Variants in CALML5 observed in about 807,000 individuals in gnomAD.
CALML5 encodes the protein calmodulin-like protein 5.
For missense variants in CALML5, 207 were observed against 206.6 expected (o/e 1.00, Z -0.01); for synonymous variants, 101 against 96.8 (o/e 1.04, Z -0.25).
In CALML5 at chr10:5,498,825, C is replaced by A; in HGVS notation, c.*173G>T. On this transcript the variant is annotated 3_prime_UTR_variant, in exon 1 of 1. Coordinates refer to ENST00000380332, the MANE Select transcript of CALML5 (RefSeq NM_017422.5). ...AGGTCTGGAGGCAGAGAGGGGCTCG[C>A]AGGCGGCCCGAGGGCGCCGCATCCA... 1.6e-6 allele frequency: 1 copy of A among 619,088 alleles called. No homozygotes were observed. The highest frequency in any genetic ancestry group is 2.8e-6 in the Non-Finnish European group (1 of 359,488). The allele number at this position is 619,088 out of a possible 1,614,324, so 38.3% of individuals were successfully genotyped here.
chr10:5,499,466 C>T lies in CALML5; in HGVS notation c.-28G>A, dbSNP rs1321065789. The T allele has an allele frequency of 6.3e-7, 1 of 1,583,040 alleles. No homozygotes were observed. Among genetic ancestry groups the T allele is most frequent in the Admixed American group, 1.7e-5 (1 of 58,028 alleles). ...CTGCGTCTCCTGCACCTCGCGGAGC[C>T]TCCGAGCTGCTGCCCACCGGCCCTC... On this transcript the variant is annotated 5_prime_UTR_variant, in exon 1 of 1. Transcript: ENST00000380332.
In CALML5 at chr10:5,499,189, G is replaced by C; in HGVS notation, c.250C>G (p.Gln84Glu). ...TGGTCGAAGGCGCGGAAGGCGACCTGCAGGTCCTCCAGGCCGGCCCTGGCC... is the reference window on the plus strand; with the variant it reads ...TGGTCGAAGGCGCGGAAGGCGACCTCCAGGTCCTCCAGGCCGGCCCTGGCC... ...KKARAGLEDL[Q>E]VAFRAFDQDG... Residue 84 changes from glutamine to glutamate, a missense_variant, in exon 1 of 1, where the codon CAG becomes GAG. By Grantham distance (29) the Gln-to-Glu change is conservative (BLOSUM62 2). Transcript: ENST00000380332. 6.2e-7 allele frequency: 1 copy of C among 1,611,312 alleles called. No homozygotes were observed. Among genetic ancestry groups the C allele is most frequent in the Non-Finnish European group, 8.5e-7 (1 of 1,179,824 alleles).
Position 5,499,224 on chromosome 10 carries a change from G to A in CALML5, c.215C>T (p.Ala72Val), listed in dbSNP as rs199855788. 6.2e-7 allele frequency: 1 copy of A among 1,613,082 alleles called. No homozygotes were observed. The highest frequency in any genetic ancestry group is 8.5e-7 in the Non-Finnish European group (1 of 1,179,798). ...CAGGCCGGCCCTGGCCTTCTTCGCCGCCGTCAGGAACTCCTGGAAGCTGAT... is the reference window on the plus strand; with the variant it reads ...CAGGCCGGCCCTGGCCTTCTTCGCCACCGTCAGGAACTCCTGGAAGCTGAT... ...GEISFQEFLT[A>V]AKKARAGLED... is the part of the protein sequence containing the mutation. Residue 72 changes from alanine (A) to valine (V), a missense_variant, in exon 1 of 1, where the codon GCG becomes GTG. Physicochemically the swap from Ala to Val is moderately conservative, Grantham distance 64. Transcript: ENST00000380332.
Position 5,498,928 on chromosome 10 carries a change from G to A in CALML5, c.*70C>T, listed in dbSNP as rs1833270596. The A allele has an allele frequency of 2.4e-6, 3 of 1,275,666 alleles. No individual in the cohort carries two copies. Among genetic ancestry groups the A allele is most frequent in the African/African-American group, 1.5e-5 (1 of 67,102 alleles). 79.0% of individuals were successfully genotyped at this position (1,275,666 alleles called of 1,614,324 possible). Reference sequence around the variant, plus strand: ...GACCAGGTTTCCCCGGAGAGTCCCAGCACAAAAGCAGCAGCGGGCGGTGGC... The same window carrying A: ...GACCAGGTTTCCCCGGAGAGTCCCAACACAAAAGCAGCAGCGGGCGGTGGC... On this transcript the variant is annotated 3_prime_UTR_variant, in exon 1 of 1. Transcript: ENST00000380332.
rs1833283351 is a variant in CALML5, at chr10:5,499,552, G to C, written c.-114C>G. 2 of 859,116 alleles carry C rather than the reference G, an allele frequency of 2.3e-6. No individual in the cohort carries two copies. Among genetic ancestry groups the C allele is most frequent in the Non-Finnish European group, 3.6e-6 (2 of 553,056 alleles). The allele number at this position is 859,116 out of a possible 1,614,324, so 53.2% of individuals were successfully genotyped here. A position where few individuals can be genotyped will look rare whatever the true frequency, so the allele number is the denominator to read the frequency against. On this transcript the variant is annotated 5_prime_UTR_variant, in exon 1 of 1. Coordinates refer to ENST00000380332, the MANE Select transcript of CALML5 (RefSeq NM_017422.5). ...AGGCAGCCGCAGGGATCCGGGCAGC[G>C]TCTGTCCCAGACAGTTCTGCCTTGG...
At position 5,498,952 on chromosome 10, in the gene CALML5, G is replaced by A. The variant is rs768821299; in HGVS notation, c.*46C>T. On this transcript the variant is annotated 3_prime_UTR_variant, in exon 1 of 1. Coordinates refer to ENST00000380332, the MANE Select transcript of CALML5 (RefSeq NM_017422.5). ...AGCACAAAAGCAGCAGCGGGCGGTG[G>A]CCCTGAAGGCTCAGAGCGCAGCCAG... The A allele has an allele frequency of 5.0e-6, 7 of 1,397,842 alleles. No individual in the cohort carries two copies. The highest frequency in any genetic ancestry group is 1.4e-5 in the South Asian group (1 of 70,376). The allele number at this position is 1,397,842 out of a possible 1,614,324, so 86.6% of individuals were successfully genotyped here.
chr10:5,499,304 C>G lies in CALML5; in HGVS notation c.135G>C (p.Ser45=), dbSNP rs1162976390. 1 of 1,614,016 alleles carries G rather than the reference C, an allele frequency of 6.2e-7. No homozygotes were observed. Among genetic ancestry groups the G allele is most frequent in the Admixed American group, 1.7e-5 (1 of 60,018 alleles). The change falls in exon 1 of 1, where the codon TCG becomes TCC. Residue 45 remains serine (S), a synonymous_variant. Transcript: ENST00000380332. ...AGATGAGTTTCCTTAGCTGGGCCTC[C>G]GAGAGGTTCTTGCCCGTGGCCTTCA... is the stretch of plus-strand genomic sequence containing the variant. ...AALKATGKNL[S]EAQLRKLISE...
In CALML5 at chr10:5,498,772, C is replaced by G. The variant is rs1013520862; in HGVS notation, c.*226G>C. The G allele has an allele frequency of 3.5e-6, 2 of 574,786 alleles. No individual in the cohort carries two copies. Among genetic ancestry groups the G allele is most frequent in the African/African-American group, 3.8e-5 (2 of 52,742 alleles). The allele number at this position is 574,786 out of a possible 1,614,324, so 35.6% of individuals were successfully genotyped here. On this transcript the variant is annotated 3_prime_UTR_variant, in exon 1 of 1. Coordinates refer to ENST00000380332, the MANE Select transcript of CALML5 (RefSeq NM_017422.5). ...ATTCCACTGCAGGGCAAAGGGGGAC[C>G]AGGCCCAAGGAGGCCTCCTTCTGCC... is the stretch of plus-strand genomic sequence containing the variant.
rs767184915 is a variant in CALML5 at position 5,499,181 on chromosome 10, G to A, written c.258C>T (p.Ala86=). 1 of 1,610,398 alleles carries A rather than the reference G, an allele frequency of 6.2e-7. No individual in the cohort carries two copies. Among genetic ancestry groups the A allele is most frequent in the African/African-American group, 1.3e-5 (1 of 74,944 alleles). ...CGCCATCCTGGTCGAAGGCGCGGAA[G>A]GCGACCTGCAGGTCCTCCAGGCCGG... The part of the protein sequence containing the change: ...ARAGLEDLQV[A]FRAFDQDGDG... Residue 86 remains alanine (A), a synonymous_variant, in exon 1 of 1, where the codon GCC becomes GCT. Transcript: ENST00000380332.
chr10:5,499,138 C>A lies in CALML5; in HGVS notation c.301G>T (p.Asp101Tyr), dbSNP rs1304999568. The A allele has an allele frequency of 8.1e-6, 13 of 1,604,404 alleles. No individual in the cohort carries two copies. Among genetic ancestry groups the A allele is most frequent in the African/African-American group, 1.3e-5 (1 of 74,932 alleles). ...CCCGCCATGGCCCGCCTGAGCTCGT[C>A]CACGGTGATGTGGCCGTCGCCATCC... ...DQDGDGHITV[D>Y]ELRRAMAGLG... The change falls in exon 1 of 1, where the codon GAC becomes TAC. Residue 101 changes from aspartate (D) to tyrosine (Y), a missense_variant. Physicochemically the swap from Asp to Tyr is radical, Grantham distance 160. Coordinates refer to ENST00000380332, the MANE Select transcript of CALML5 (RefSeq NM_017422.5).
Position 5,499,061 on chromosome 10 carries a change from G to A in CALML5, c.378C>T (p.Ala126=), listed in dbSNP as rs1321519946. ...QEELDAMIRE[A]DVDQDGRVNY... Reference sequence around the variant, plus strand: ...TCACCCGCCCGTCCTGGTCCACGTCGGCCTCGCGGATCATGGCGTCCAGCT... The same window carrying A: ...TCACCCGCCCGTCCTGGTCCACGTCAGCCTCGCGGATCATGGCGTCCAGCT... Residue 126 remains alanine, a synonymous_variant, in exon 1 of 1, where the codon GCC becomes GCT. Coordinates refer to ENST00000380332, the MANE Select transcript of CALML5 (RefSeq NM_017422.5). 3 of 1,597,466 alleles carry A rather than the reference G, an allele frequency of 1.9e-6. No individual in the cohort carries two copies. The highest frequency in any genetic ancestry group is 2.5e-6 in the Non-Finnish European group (3 of 1,177,312).
chr10:5,499,142 G>A lies in CALML5; in HGVS notation c.297C>T (p.Thr99=). 6.2e-7 allele frequency: 1 copy of A among 1,604,972 alleles called. No individual in the cohort carries two copies. The highest frequency in any genetic ancestry group is 2.2e-5 in the East Asian group (1 of 44,860). The change falls in exon 1 of 1, where the codon ACC becomes ACT. Residue 99 remains threonine, a synonymous_variant. Coordinates refer to ENST00000380332, the MANE Select transcript of CALML5 (RefSeq NM_017422.5). ...AFDQDGDGHI[T]VDELRRAMAG... ...CCATGGCCCGCCTGAGCTCGTCCAC[G>A]GTGATGTGGCCGTCGCCATCCTGGT...
In CALML5 at chr10:5,498,844, G is replaced by T. The variant is rs563290589; in HGVS notation, c.*154C>A. 38 of 696,258 alleles carry T rather than the reference G, an allele frequency of 5.5e-5. No homozygotes were observed. The Admixed American group carries it at 6.4e-4, about 12-fold the overall frequency. 43.1% of individuals were successfully genotyped at this position (696,258 alleles called of 1,614,324 possible). A position where few individuals can be genotyped will look rare whatever the true frequency, so the allele number is the denominator to read the frequency against. On this transcript the variant is annotated 3_prime_UTR_variant, in exon 1 of 1. Transcript: ENST00000380332. ...GGCTCGCAGGCGGCCCGAGGGCGCCGCATCCAGGCCCCGGAGCGCAAAGCC... is the reference window on the plus strand; with the variant it reads ...GGCTCGCAGGCGGCCCGAGGGCGCCTCATCCAGGCCCCGGAGCGCAAAGCC...
chr10:5,499,184 G>A lies in CALML5; in HGVS notation c.255C>T (p.Val85=), dbSNP rs1308954445. 3 of 1,610,744 alleles carry A rather than the reference G, an allele frequency of 1.9e-6. No individual in the cohort carries two copies. The highest frequency in any genetic ancestry group is 2.5e-6 in the Non-Finnish European group (3 of 1,179,784). The change falls in exon 1 of 1, where the codon GTC becomes GTT. Residue 85 remains valine (V), a synonymous_variant. Transcript: ENST00000380332. ...CATCCTGGTCGAAGGCGCGGAAGGCGACCTGCAGGTCCTCCAGGCCGGCCC... is the reference window on the plus strand; with the variant it reads ...CATCCTGGTCGAAGGCGCGGAAGGCAACCTGCAGGTCCTCCAGGCCGGCCC... ...KARAGLEDLQ[V]AFRAFDQDGD...
rs1279875920 is a variant in CALML5 at position 5,498,958 on chromosome 10, A to G, written c.*40T>C. On this transcript the variant is annotated 3_prime_UTR_variant, in exon 1 of 1. Transcript: ENST00000380332. Reference sequence around the variant, plus strand: ...AAAGCAGCAGCGGGCGGTGGCCCTGAAGGCTCAGAGCGCAGCCAGGGGGAC... The same window carrying G: ...AAAGCAGCAGCGGGCGGTGGCCCTGGAGGCTCAGAGCGCAGCCAGGGGGAC... 3 of 1,446,118 alleles carry G rather than the reference A, an allele frequency of 2.1e-6. No individual in the cohort carries two copies. The highest frequency in any genetic ancestry group is 2.8e-6 in the Non-Finnish European group (3 of 1,086,878). 89.6% of individuals were successfully genotyped at this position (1,446,118 alleles called of 1,614,324 possible).
rs1588454709 is a variant in CALML5, at chr10:5,498,917, G to A, written c.*81C>T. The A allele has an allele frequency of 2.5e-6, 3 of 1,198,992 alleles. No individual in the cohort carries two copies. Among genetic ancestry groups the A allele is most frequent in the East Asian group, 2.6e-5 (1 of 38,628 alleles). The allele number at this position is 1,198,992 out of a possible 1,614,324, so 74.3% of individuals were successfully genotyped here. On this transcript the variant is annotated 3_prime_UTR_variant, in exon 1 of 1. Coordinates refer to ENST00000380332, the MANE Select transcript of CALML5 (RefSeq NM_017422.5). ...TCCCATCCACCGACCAGGTTTCCCC[G>A]GAGAGTCCCAGCACAAAAGCAGCAG...
rs547182758 is a variant in CALML5 at position 5,498,981 on chromosome 10, G to T, written c.*17C>A. On this transcript the variant is annotated 3_prime_UTR_variant, in exon 1 of 1. Coordinates refer to ENST00000380332, the MANE Select transcript of CALML5 (RefSeq NM_017422.5). The stretch of plus-strand genomic sequence containing the variant: ...TGAAGGCTCAGAGCGCAGCCAGGGG[G>T]ACACAGGCGGGGAGCCTCACTCCTG... 83 of 1,519,276 alleles carry T rather than the reference G, an allele frequency of 5.5e-5. No homozygotes were observed. In the South Asian group the frequency reaches 9.1e-4, roughly 17 times the overall value. 94.1% of individuals were successfully genotyped at this position (1,519,276 alleles called of 1,614,324 possible).
Position 5,499,211 on chromosome 10 carries a change from G to C in CALML5, c.228C>G (p.Ala76=). 1 of 1,612,780 alleles carries C rather than the reference G, an allele frequency of 6.2e-7. No homozygotes were observed. The highest frequency in any genetic ancestry group is 1.1e-5 in the South Asian group (1 of 91,072). The change falls in exon 1 of 1, where the codon GCC becomes GCG. Residue 76 remains alanine, a synonymous_variant. Coordinates refer to ENST00000380332, the MANE Select transcript of CALML5 (RefSeq NM_017422.5). ...FQEFLTAAKK[A]RAGLEDLQVA... ...CCTGCAGGTCCTCCAGGCCGGCCCT[G>C]GCCTTCTTCGCCGCCGTCAGGAACT... is the stretch of plus-strand genomic sequence containing the variant.
chr10:5,499,266 C>CCG lies in CALML5; in HGVS notation c.172_173insCG (p.Ser58ThrfsTer14), dbSNP rs753604806. The CCG allele has an allele frequency of 6.2e-6, 10 of 1,613,260 alleles. No homozygotes were observed. In the African/African-American group the frequency reaches 6.7e-5, roughly 11 times the overall value. On this transcript the variant is annotated frameshift_variant, in exon 1 of 1. Coordinates refer to ENST00000380332, the MANE Select transcript of CALML5 (RefSeq NM_017422.5). LOFTEE classifies it low-confidence loss of function (END_TRUNC). ...GAAGCTGATTTCGCCGTCGCCGTCG[C>CCG]TGTCAACCTCGGAGATGAGTTTCCT...
Sources: allele counts gnomAD v4.1 joint callset, GRCh38; gene constraint gnomAD v4.1.1; transcripts MANE v1.5; gene names NCBI Gene and HGNC (gene_info 2026-07-23, HGNC 2026-07-21).